Variants in IFT46 observed in about 807,000 individuals in gnomAD.
IFT46 encodes the protein intraflagellar transport protein 46 homolog.
A neutral mutation model predicts 39.6 loss-of-function variants in IFT46; 19 were observed. That is an observed-to-expected ratio of 0.48 (90% CI 0.33 to 0.70). The LOEUF (loss-of-function observed/expected upper bound fraction) is 0.70. IFT46 is among the 30% of genes least tolerant of loss of function. IFT46 has a pLI of 0.01. For synonymous variants in IFT46, 117 were observed against 134.8 expected (o/e 0.87, Z 0.91); for missense variants, 334 against 364.8 (o/e 0.92, Z 0.69).
chr11:118,572,932 C>A, exon 1 of IFT46: 4 of 257,042 alleles, frequency 1.6e-5, no homozygotes, highest in Non-Finnish European at 3.0e-5. Context: ...GCTCAGCAGG[C>A]TGGGCCTGTC....
At chr11:118,564,468 T>C (rs1328994697) in intron 2 of IFT46, among the ~76,000 whole-genome samples, 1 of 152,096 alleles carries the variant, frequency 6.6e-6, no homozygotes, top group Non-Finnish European at 1.5e-5. Flanking sequence ...CCCAGCACTT[T>C]GGGAGGCCAA....
chr11:118,556,208 G>A (rs1477000036), intron 4 of IFT46, among the ~76,000 whole-genome samples: 1 of 151,828 alleles, frequency 6.6e-6, no homozygotes, highest in East Asian at 1.9e-4. Flanking sequence ...AAATTTTTGG[G>A]CGGCCGGGTG....
intron 3 of IFT46, among the ~76,000 whole-genome samples, chr11:118,559,018 C>A (rs1170039516): frequency 6.6e-6 from 1 of 150,914 alleles, no homozygotes; most frequent in South Asian, 2.1e-4. Flanking sequence ...AGGCACCCGC[C>A]ACCACGCCCA....
At chr11:118,550,229 G>A (rs1445310339) in intron 9 of IFT46, among the ~76,000 whole-genome samples, 4 of 152,126 alleles carry the variant, frequency 2.6e-5, no homozygotes, top group Non-Finnish European at 5.9e-5. Flanking sequence ...GAGCCACCGC[G>A]CCTGGCCTAA....
At chr11:118,555,870 C>T (rs1937813364) in intron 4 of IFT46, among the ~76,000 whole-genome samples, 2 of 151,344 alleles carry the variant, frequency 1.3e-5, no homozygotes, top group South Asian at 4.2e-4. Flanking sequence ...TTGCAGTGAG[C>T]CAAGATCGCA....
rs1555070242 is a variant in IFT46, at chr11:118,559,774, T to C, written c.45+11A>G. The C allele has an allele frequency of 1.2e-6, 2 of 1,608,794 alleles. No individual in the cohort carries two copies. Among genetic ancestry groups the C allele is most frequent in the East Asian group, 4.5e-5 (2 of 44,816 alleles). ...CAGAAATTCTACAAGAAGCTGTGAG[T>C]TTTACTGTACCTTGTTATTTTCCTC... On this transcript the variant is annotated intron_variant, in intron 3 of 11. Transcript: ENST00000264021.
intron 3 of IFT46, chr11:118,557,936 C>A: frequency 6.5e-7 from 1 of 1,527,280 alleles, no homozygotes; most frequent in South Asian, 1.3e-5. Flanking sequence ...GTTTTCAAAA[C>A]TTGGTTTCTA....
At position 118,545,151 on chromosome 11, in the gene IFT46, C is replaced by T. The variant is rs190497512; in HGVS notation, c.820-140G>A. 5.3e-4 allele frequency: 380 copies of T among 723,598 alleles called. 3 individuals are homozygous for T. The highest frequency in any genetic ancestry group is 3.9e-3 in the African/African-American group (220 of 56,924). 44.8% of individuals were successfully genotyped at this position (723,598 alleles called of 1,614,324 possible). ...ATGAGGGAACTTGGTTCTGAAAGAA[C>T]GAGTGTCCTCTGTAGATCCTCACCT... On this transcript the variant is annotated intron_variant, in intron 11 of 11. Coordinates refer to ENST00000264021, the MANE Select transcript of IFT46 (RefSeq NM_001168618.2).
intron 3 of IFT46, among the ~76,000 whole-genome samples, chr11:118,558,469 C>A (rs1280139037): frequency 6.6e-6 from 1 of 152,120 alleles, no homozygotes; most frequent in East Asian, 1.9e-4. Context: ...GTGGCGCACG[C>A]CTGTAATCCC....
In IFT46 at chr11:118,557,924, AG is replaced by A. The variant is rs782403375; in HGVS notation, c.46-880del. On this transcript the variant is annotated intron_variant, in intron 3 of 11. Coordinates refer to ENST00000264021, the MANE Select transcript of IFT46 (RefSeq NM_001168618.2). ...TGACCAATTGGCCCCCTTTAAAAGT[AG>A]GTTTTCAAAACTTGGTTTCTATATA... 1.4e-5 allele frequency: 22 copies of A among 1,540,222 alleles called. No individual in the cohort carries two copies. In the South Asian group the frequency reaches 2.4e-4, roughly 17 times the overall value.
At chr11:118,568,853 A>C (rs1029071509), upstream of IFT46, among the ~76,000 whole-genome samples, 1 of 150,586 alleles carries the variant, frequency 6.6e-6, no homozygotes, top group Non-Finnish European at 1.5e-5. Flanking sequence ...ATGGGGTTTC[A>C]CCATGTTGCT....
At chr11:118,555,615 GA>G in intron 4 of IFT46, 1 of 290,308 alleles carries the variant, frequency 3.4e-6, no homozygotes. Context: ...AGGATGACAA[GA>G]AAAGGTAGAA....
At chr11:118,576,441 A>AC (rs1251935883), upstream of IFT46, among the ~76,000 whole-genome samples, 6 of 148,658 alleles carry the variant, frequency 4.0e-5, no homozygotes, top group Non-Finnish European at 8.9e-5. Flanking sequence ...AAAAAAAAAA[A>AC]AAAAAAAACC....
chr11:118,554,548 A>C lies in IFT46; in HGVS notation c.394T>G (p.Leu132Val). ...TTTGTAGAAGGTTCATCCAATACCA[A>C]TAGGCCAAGGTTGTCAGGCTTTCCA... is the stretch of plus-strand genomic sequence containing the variant. ...PDGKPDNLGLLVLDEPSTKQS... is the reference protein window; with the variant it reads ...PDGKPDNLGLVVLDEPSTKQS... The change falls in exon 7 of 12, where the codon TTG becomes GTG. Residue 132 changes from leucine to valine, a missense_variant. Transcript: ENST00000264021. 6.2e-7 allele frequency: 1 copy of C among 1,613,244 alleles called. No individual in the cohort carries two copies. The highest frequency in any genetic ancestry group is 8.5e-7 in the Non-Finnish European group (1 of 1,179,718).
upstream of IFT46, among the ~76,000 whole-genome samples, chr11:118,567,094 A>AT (rs538399331): frequency 1.5e-3 from 225 of 151,780 alleles, 1 homozygote; most frequent in Non-Finnish European, 2.6e-3. Context: ...TAAAAAAAAA[A>AT]TTTTTTTTAA....
At chr11:118,561,179 G>A (rs1938043476) in intron 2 of IFT46, 2 of 1,403,998 alleles carry the variant, frequency 1.4e-6, no homozygotes, top group Non-Finnish European at 1.0e-6. Context: ...CACCCTGAAG[G>A]GAGCTGTGGA....
At chr11:118,557,497 A>C (rs1937881468) in intron 3 of IFT46, 11 of 509,468 alleles carry the variant, frequency 2.2e-5, no homozygotes, top group Non-Finnish European at 3.4e-6. Flanking sequence ...CTTAATTTGC[A>C]AGACTGCCCA....
chr11:118,568,386 T>C (rs1938272153), upstream of IFT46, among the ~76,000 whole-genome samples: 1 of 151,924 alleles, frequency 6.6e-6, no homozygotes, highest in Non-Finnish European at 1.5e-5. Context: ...CCCCCATCTC[T>C]ACTAAAAATA....
chr11:118,551,894 A>G (rs1016223652), intron 8 of IFT46, 42 bp from the exon 9 acceptor site: 6 of 1,543,636 alleles, frequency 3.9e-6, no homozygotes, highest in South Asian at 1.1e-5. Context: ...ACGTGAACTG[A>G]TAACATCAGC....
Sources: allele counts gnomAD v4.1 joint callset (sites outside exome capture counted in the v4.1 genomes callset), GRCh38; gene constraint gnomAD v4.1.1; transcripts MANE v1.5; gene names NCBI Gene and HGNC (gene_info 2026-07-23, HGNC 2026-07-21).